The following CACNB4 variants were observed in gnomAD, a reference collection of about 807,000 sequenced individuals.
The protein encoded by CACNB4 is calcium voltage-gated channel auxiliary subunit beta 4, also known as voltage-dependent L-type calcium channel subunit beta-4.
In CACNB4, 32 loss-of-function variants were observed where a neutral mutation model predicts 71.2. The ratio of observed to expected loss-of-function variants is 0.45; its 90% CI spans 0.34 to 0.60. CACNB4 has a LOEUF of 0.60. Among genes scored for constraint, CACNB4 ranks in the 20% least tolerant of loss-of-function variants. CACNB4 has a pLI of 0.01. For missense variants in CACNB4, 464 were observed against 647.9 expected, an observed-to-expected ratio of 0.72 and a Z score of 3.08; for synonymous variants, 231 against 236.9, an observed-to-expected ratio of 0.97 and a Z score of 0.23.
chr2:152,098,899 T>G lies in CACNB4; in HGVS notation c.63+50A>C, dbSNP rs778968053. 50 of 1,083,472 alleles carry G rather than the reference T, an allele frequency of 4.6e-5. No homozygotes were observed. Among genetic ancestry groups the G allele is most frequent in the African/African-American group, 1.6e-4 (7 of 44,736 alleles). The allele number at this position is 1,083,472 out of a possible 1,614,324, so 67.1% of individuals were successfully genotyped here. A position where few individuals can be genotyped will look rare whatever the true frequency, so the allele number is the denominator to read the frequency against. On this transcript the variant is annotated intron_variant, in intron 1 of 13. Coordinates refer to ENST00000539935, the MANE Select transcript of CACNB4 (RefSeq NM_000726.5). This position sits in a 1 kb window ranked among gnomAD's most constrained non-coding sequence, Gnocchi z 5.3. ...GGGCGCGCTAGGGCGGCGGAGGAGG[T>G]GTGAGGAAGGAAGAGGAGGAAGAGG...
chr2:152,071,366 G>C (rs1686679760), intron 2 of CACNB4, among the ~76,000 whole-genome samples: 1 of 152,168 alleles, frequency 6.6e-6, no homozygotes, highest in African/African-American at 2.4e-5. Flanking sequence ...AACATAGCAG[G>C]GGTGAGAGAG....
intron 12 of CACNB4, among the ~76,000 whole-genome samples, chr2:151,848,157 G>C (rs1184516148): frequency 2.0e-5 from 3 of 152,146 alleles, no homozygotes; most frequent in African/African-American, 7.2e-5. Context: ...TTCTGTTAAA[G>C]TCAGATTAAT....
intron 5 of CACNB4, 133 bp downstream of exon 5, chr2:151,876,293 G>T: frequency 1.5e-6 from 1 of 650,132 alleles, no homozygotes; most frequent in Non-Finnish European, 2.5e-6. Flanking sequence ...AGAACTATCT[G>T]AAACTCTTCT....
intron 13 of CACNB4, among the ~76,000 whole-genome samples, chr2:151,841,429 T>A (rs945105025): frequency 1.3e-5 from 2 of 152,014 alleles, no homozygotes; most frequent in Non-Finnish European, 2.9e-5. Flanking sequence ...TTTTTTTTTT[T>A]AATTATCCAT....
chr2:151,836,734 A>C lies in CACNB4; in HGVS notation c.*2385T>G, dbSNP rs2099834978. 3 of 152,090 alleles carry C rather than the reference A, an allele frequency of 2.0e-5. No homozygotes were observed. The South Asian group carries it at 6.2e-4, about 32-fold the overall frequency. 9.4% of individuals were successfully genotyped at this position (152,090 alleles called of 1,614,324 possible). Reference sequence around the variant, plus strand: ...AAAAACAAGGCTTTGAAAAACCTTTAAAAACAAGTGACTTTTAAAAAGTTG... The same window carrying C: ...AAAAACAAGGCTTTGAAAAACCTTTCAAAACAAGTGACTTTTAAAAAGTTG... On this transcript the variant is annotated 3_prime_UTR_variant, in exon 14 of 14. Coordinates refer to ENST00000539935, the MANE Select transcript of CACNB4 (RefSeq NM_000726.5).
At chr2:151,872,624 T>C (rs770609) in intron 5 of CACNB4, 131 bp from the exon 6 acceptor site, 569,225 of 570,850 alleles carry the variant, frequency 1, 283,823 homozygotes, top group East Asian at 1. Context: ...CTATAAAGAA[T>C]TTCAAGAATC....
At chr2:151,915,672 A>G (rs1013526353) in intron 2 of CACNB4, among the ~76,000 whole-genome samples, 30 of 152,000 alleles carry the variant, frequency 2.0e-4, no homozygotes, top group Admixed American at 1.6e-3. Context: ...GTGAAACCAC[A>G]TCTCTACTAA....
intron 2 of CACNB4, among the ~76,000 whole-genome samples, chr2:151,934,612 G>A (rs971990513): frequency 1.1e-4 from 16 of 152,172 alleles, no homozygotes; most frequent in African/African-American, 3.9e-4. Context: ...GCCGAGGTGG[G>A]CGGATCACGA....
intron 2 of CACNB4, among the ~76,000 whole-genome samples, chr2:152,035,665 A>ATATG (rs1553818114): frequency 1.4e-4 from 20 of 141,716 alleles, no homozygotes; most frequent in African/African-American, 5.5e-4. Flanking sequence ...ATATATATAT[A>ATATG]TATGTATGTA....
At chr2:151,911,861 A>G (rs1013022776) in intron 2 of CACNB4, among the ~76,000 whole-genome samples, 9 of 151,732 alleles carry the variant, frequency 5.9e-5, no homozygotes, top group African/African-American at 2.2e-4. Flanking sequence ...TTATTGGTCT[A>G]TTCAGGGATT....
At position 152,066,694 on chromosome 2, in the gene CACNB4, C is replaced by T. The variant is rs980841089; in HGVS notation, c.147+31636G>A. ...ATGCTGCTATAAAGACACATGCACA[C>T]GTATGTTTATTGTGGCATTATTCGC... On this transcript the variant is annotated intron_variant, in intron 2 of 13. Coordinates refer to ENST00000539935, the MANE Select transcript of CACNB4 (RefSeq NM_000726.5). Among the ~76,000 whole-genome samples the T allele has an allele frequency of 5.9e-4, 89 of 149,946 alleles. 1 individual carries two copies. The highest frequency in any genetic ancestry group is 3.7e-4 in the African/African-American group (15 of 40,872).
At chr2:151,903,273 G>C (rs1013208598) in intron 2 of CACNB4, among the ~76,000 whole-genome samples, 9 of 152,064 alleles carry the variant, frequency 5.9e-5, no homozygotes, top group African/African-American at 7.2e-5. Flanking sequence ...CAGCACTTTG[G>C]GGGGCTGAGG....
At chr2:152,041,602 G>A (rs1684878191) in intron 2 of CACNB4, among the ~76,000 whole-genome samples, 1 of 152,180 alleles carries the variant, frequency 6.6e-6, no homozygotes. Context: ...CTGGGGCACA[G>A]AAACTGCAGG....
At chr2:151,921,006 T>G (rs1036652585) in intron 2 of CACNB4, among the ~76,000 whole-genome samples, 10 of 151,998 alleles carry the variant, frequency 6.6e-5, no homozygotes, top group African/African-American at 2.4e-4. Context: ...CTGGGCATGG[T>G]GGTGGGCACC....
chr2:151,889,592 A>AT (rs1013949292), intron 2 of CACNB4, among the ~76,000 whole-genome samples: 3 of 151,906 alleles, frequency 2.0e-5, no homozygotes, highest in African/African-American at 7.3e-5. Flanking sequence ...TTGACAATGC[A>AT]TTTTTCCACA....
At position 151,935,784 on chromosome 2, in the gene CACNB4, T is replaced by G. The variant is rs145742864; in HGVS notation, c.148-52414A>C. On this transcript the variant is annotated intron_variant, in intron 2 of 13. Transcript: ENST00000539935. ...TTTGAAGAAATAGCATTGATAAGGC[T>G]ATTAGATATTCTTCAAGATCGGATG... Among the ~76,000 whole-genome samples, 119 of 152,358 alleles carry G rather than the reference T, an allele frequency of 7.8e-4. 1 individual carries two copies. Among genetic ancestry groups the G allele is most frequent in the Admixed American group, 7.2e-3 (110 of 15,302 alleles).
chr2:152,077,844 G>A (rs1687126207), intron 2 of CACNB4, among the ~76,000 whole-genome samples: 1 of 152,090 alleles, frequency 6.6e-6, no homozygotes, highest in African/African-American at 2.4e-5. Flanking sequence ...AGCCTTGGAG[G>A]CCACAATAAT....
At chr2:151,849,568 C>A (rs143856562) in intron 12 of CACNB4, among the ~76,000 whole-genome samples, 2 of 152,124 alleles carry the variant, frequency 1.3e-5, no homozygotes, top group Non-Finnish European at 2.9e-5. Flanking sequence ...TCACCATGCA[C>A]CCAGCTCTTT....
intron 2 of CACNB4, among the ~76,000 whole-genome samples, chr2:152,083,774 C>G (rs1422806071): frequency 6.6e-6 from 1 of 152,150 alleles, no homozygotes. Context: ...TGAAATAGAC[C>G]AAGTTTGATC....
Sources: gnomAD v4.1 joint callset for allele counts (sites outside exome capture counted in the v4.1 genomes callset) on GRCh38, gnomAD v4.1.1 for gene constraint, Gnocchi (gnomAD v3.1) non-coding constraint, MANE v1.5 for transcripts, NCBI Gene and HGNC (gene_info 2026-07-23, HGNC 2026-07-21) for gene names.